The following PCDHA3 variants were observed in gnomAD, a reference collection of about 807,000 sequenced individuals.
The protein encoded by PCDHA3 is protocadherin alpha 3, also known as protocadherin alpha-3.
In PCDHA3, 41 loss-of-function variants were observed where a neutral mutation model predicts 62.2. The observed-to-expected ratio is 0.66, with a 90% CI of 0.51 to 0.86. PCDHA3 has a LOEUF of 0.86. Ranked by LOEUF, PCDHA3 falls within the 40% of genes least tolerant of loss-of-function variation. The pLI is 0.00. For synonymous variants in PCDHA3, 640 were observed against 555.4 expected, an observed-to-expected ratio of 1.15 and a Z score of -2.14; for missense variants, 1,304 against 1,241.2, an observed-to-expected ratio of 1.05 and a Z score of -0.76.
rs116377419 is a variant in PCDHA3, at chr5:140,884,621, G to A, written c.2394+81030G>A. On this transcript the variant is annotated intron_variant, in intron 1 of 3. Coordinates refer to ENST00000522353, the MANE Select transcript of PCDHA3 (RefSeq NM_018906.3). ...TCCTCCTTGTCTGGGTTCTGCAGAG[G>A]GAACAGGCCAGAGGGAGGAGGACTC... 8.0e-4 allele frequency: 1,287 copies of A among 1,613,996 alleles called. 6 individuals carry two copies. The African/African-American group carries it at 0.016, about 20-fold the overall frequency.
chr5:140,811,923 G>A (rs2126633013), intron 1 of PCDHA3: 16 of 152,164 alleles, frequency 1.1e-4, no homozygotes, highest in Non-Finnish European at 1.8e-4. Flanking sequence ...TGGGTAGATT[G>A]CAAAAATTTT....
chr5:140,825,124 C>T (rs1214733618), intron 1 of PCDHA3: 1 of 151,608 alleles, frequency 6.6e-6, no homozygotes, highest in African/African-American at 2.4e-5. Context: ...TTCCCTACCC[C>T]CTTAAAAAAC....
At chr5:140,811,257 T>G (rs1002878991) in intron 1 of PCDHA3, 9 of 152,306 alleles carry the variant, frequency 5.9e-5, no homozygotes, top group African/African-American at 2.2e-4. Flanking sequence ...GAACATGCAG[T>G]GTTTGGTTTT....
chr5:141,004,014 A>T (rs1294633411), intron 3 of PCDHA3, among the ~76,000 whole-genome samples: 40 of 152,222 alleles, frequency 2.6e-4, no homozygotes, highest in African/African-American at 9.4e-4. Context: ...GGCAGCACTG[A>T]AAGAAGAAAC....
chr5:140,923,297 G>C (rs1554201355), intron 1 of PCDHA3, among the ~76,000 whole-genome samples: 1 of 152,186 alleles, frequency 6.6e-6, no homozygotes, highest in African/African-American at 2.4e-5. Flanking sequence ...AATTAGCTGG[G>C]CGTGGGGGCG....
intron 1 of PCDHA3, chr5:140,882,132 A>G: frequency 6.8e-7 from 1 of 1,475,878 alleles, no homozygotes; most frequent in Non-Finnish European, 9.1e-7. Flanking sequence ...TTCTTCCTGC[A>G]GAAAATATAG....
At chr5:140,828,155 G>A in intron 1 of PCDHA3, 1 of 1,614,122 alleles carries the variant, frequency 6.2e-7, no homozygotes, top group Non-Finnish European at 8.5e-7. Flanking sequence ...TCTGCTCCTC[G>A]CAGCCTGGAA....
intron 1 of PCDHA3, chr5:140,877,037 C>G: frequency 6.2e-7 from 1 of 1,612,492 alleles, no homozygotes; most frequent in Non-Finnish European, 8.5e-7. Flanking sequence ...GCGCTGCAGC[C>G]GCTAGACCAC....
intron 1 of PCDHA3, among the ~76,000 whole-genome samples, chr5:140,943,364 C>T (rs1463652865): frequency 6.6e-6 from 1 of 150,620 alleles, no homozygotes; most frequent in Non-Finnish European, 1.5e-5. Context: ...GAAAGGAGAT[C>T]ATTAAAATAT....
intron 1 of PCDHA3, chr5:140,862,303 T>C (rs2047298994): frequency 3.6e-6 from 1 of 279,072 alleles, no homozygotes; most frequent in South Asian, 4.0e-5. Flanking sequence ...CTCCACTGGG[T>C]ACCGTCATAG....
At chr5:140,915,646 C>A (rs2077236708) in intron 1 of PCDHA3, among the ~76,000 whole-genome samples, 1 of 151,916 alleles carries the variant, frequency 6.6e-6, no homozygotes, top group Non-Finnish European at 1.5e-5. Flanking sequence ...CTCTCTCTCT[C>A]TCTCTCTCTC....
intron 1 of PCDHA3, chr5:140,877,442 C>A: frequency 6.2e-7 from 1 of 1,613,858 alleles, no homozygotes; most frequent in South Asian, 1.1e-5. Flanking sequence ...CACGGTGAGC[C>A]CGCGCTGACG....
rs2150121761 is a variant in PCDHA3 at position 140,823,056 on chromosome 5, G to A, written c.2394+19465G>A. 3.0e-3 allele frequency: 4,897 copies of A among 1,614,054 alleles called. 120 individuals are homozygous for A. The African/African-American group carries it at 0.055, about 18-fold the overall frequency. On this transcript the variant is annotated intron_variant, in intron 1 of 3. Transcript: ENST00000522353. The stretch of plus-strand genomic sequence containing the variant: ...TCTATGAGCTGGTGGTGACCGCGCG[G>A]GACGGGGGCTCGCCTTCGCTGTGGG...
chr5:140,875,438 T>A, intron 1 of PCDHA3: 1 of 1,568,134 alleles, frequency 6.4e-7, no homozygotes, highest in Non-Finnish European at 8.6e-7. Flanking sequence ...CCCTTAAAAC[T>A]GATTGTCCCA....
At chr5:140,964,771 A>C (rs2095853520) in intron 1 of PCDHA3, among the ~76,000 whole-genome samples, 1 of 152,022 alleles carries the variant, frequency 6.6e-6, no homozygotes, top group South Asian at 2.1e-4. Context: ...GGATGCAGAG[A>C]GAAGAGGAAG....
chr5:140,882,853 A>G lies in PCDHA3; in HGVS notation c.2394+79262A>G, dbSNP rs782160647. On this transcript the variant is annotated intron_variant, in intron 1 of 3. Transcript: ENST00000522353. ...AGCAAATGTCTTCATTATCACTTGTACTGAGGAAAACACTGGACAGAGAGG... is the reference window on the plus strand; with the variant it reads ...AGCAAATGTCTTCATTATCACTTGTGCTGAGGAAAACACTGGACAGAGAGG... 1.9e-6 allele frequency: 3 copies of G among 1,614,218 alleles called. No individual in the cohort carries two copies. The Admixed American group carries it at 5.0e-5, about 27-fold the overall frequency.
chr5:140,928,657 G>A (rs781811102), intron 1 of PCDHA3: 11 of 1,614,102 alleles, frequency 6.8e-6, no homozygotes, highest in Non-Finnish European at 9.3e-6. Context: ...AGAGGATGCT[G>A]ACAGTGGTTC....
intron 1 of PCDHA3, chr5:140,857,767 C>T: frequency 6.3e-7 from 1 of 1,597,458 alleles, no homozygotes; most frequent in Non-Finnish European, 8.6e-7. Context: ...GCAGCGCGGG[C>T]GGTGCAGTCA....
intron 1 of PCDHA3, among the ~76,000 whole-genome samples, chr5:140,961,915 G>A (rs1393178053): frequency 2.0e-5 from 3 of 147,010 alleles, no homozygotes; most frequent in East Asian, 4.0e-4. Context: ...ATGGAGTCTC[G>A]CTCTGTTGCC....
Sources: gnomAD v4.1 joint callset for allele counts (sites outside exome capture counted in the v4.1 genomes callset) on GRCh38, gnomAD v4.1.1 for gene constraint, MANE v1.5 for transcripts, NCBI Gene and HGNC (gene_info 2026-07-23, HGNC 2026-07-21) for gene names.